CNTNAP3B: variants seen among roughly 807,000 people sequenced by gnomAD.
CNTNAP3B encodes contactin associated protein family member 3B.
In CNTNAP3B, 25 loss-of-function variants were observed where a neutral mutation model predicts 108.9. That is an observed-to-expected ratio of 0.23 (90% CI 0.17 to 0.32). The LOEUF is 0.32. Ranked by LOEUF, CNTNAP3B falls within the 10% of genes least tolerant of loss-of-function variation. The pLI is 1.00. For missense variants in CNTNAP3B, 252 were observed against 1,210.4 expected, an observed-to-expected ratio of 0.21 and a Z score of 11.75; for synonymous variants, 103 against 473.4, an observed-to-expected ratio of 0.22 and a Z score of 10.16.
intron 3 of CNTNAP3B, among the ~76,000 whole-genome samples, chr9:42,059,636 A>G: frequency 2.5e-5 from 1 of 39,890 alleles, no homozygotes; most frequent in East Asian, 6.8e-4. Context: ...TCTGTCATCC[A>G]GGCTGGAGTG....
intron 1 of CNTNAP3B, among the ~76,000 whole-genome samples, chr9:42,120,739 G>A (rs374268418): frequency 2.4e-5 from 3 of 127,032 alleles, no homozygotes; most frequent in Non-Finnish European, 4.8e-5. Context: ...ACCAAACACC[G>A]CATGTTCTCA....
rs1828112608 is a variant in CNTNAP3B, at chr9:42,107,851, C to CATA, written c.86-3115_86-3113dup. On this transcript the variant is annotated intron_variant, in intron 1 of 23. Transcript: ENST00000377561. ...TTAGCTGGGCATGGTGGCACGTGCC[C>CATA]ATAGTCCCAGCTTCCCAGGAGGCTG... Among the ~76,000 whole-genome samples the CATA allele has an allele frequency of 1.5e-5, 2 of 129,468 alleles. 1 individual carries two copies. The highest frequency in any genetic ancestry group is 3.2e-5 in the Non-Finnish European group (2 of 61,724). 84.9% of individuals were successfully genotyped at this position (129,468 alleles called of 152,430 possible).
intron 3 of CNTNAP3B, among the ~76,000 whole-genome samples, chr9:42,019,870 G>A (rs1481667082): frequency 8.5e-4 from 109 of 128,370 alleles, no homozygotes; most frequent in Non-Finnish European, 1.2e-3. Context: ...AGAAATGTTA[G>A]AAAATAAATG....
At chr9:42,018,666 C>A (rs1826254671) in intron 3 of CNTNAP3B, among the ~76,000 whole-genome samples, 1 of 151,880 alleles carries the variant, frequency 6.6e-6, no homozygotes, top group African/African-American at 2.4e-5. Flanking sequence ...AGGATGCTGA[C>A]TCCTGCGACT....
chr9:41,957,372 T>C (rs1824893404), intron 12 of CNTNAP3B, among the ~76,000 whole-genome samples: 1 of 42,680 alleles, frequency 2.3e-5, no homozygotes, highest in African/African-American at 1.1e-4. Flanking sequence ...ACACCTTTTG[T>C]AGTTGTGCCA....
rs1826002756 is a variant in CNTNAP3B, at chr9:42,001,401, A to G, written c.539-2797T>C. The stretch of plus-strand genomic sequence containing the variant: ...TGCACCCCAGCCTGGGCAACACAGC[A>G]AGACCCCATTTCAAGAAAAAAACAG... On this transcript the variant is annotated intron_variant, in intron 4 of 23. Transcript: ENST00000377561. 1.5e-5 allele frequency among the ~76,000 whole-genome samples: 2 copies of G among 133,470 alleles called. 1 individual carries two copies. Among genetic ancestry groups the G allele is most frequent in the Admixed American group, 1.5e-4 (2 of 13,252 alleles). The allele number at this position is 133,470 out of a possible 152,430, so 87.6% of individuals were successfully genotyped here.
intron 11 of CNTNAP3B, among the ~76,000 whole-genome samples, chr9:41,961,267 G>T (rs1195014201): frequency 2.0e-5 from 3 of 152,292 alleles, no homozygotes; most frequent in Admixed American, 6.5e-5. Flanking sequence ...CAATCTTTTG[G>T]CAATGTCTAG....
intron 15 of CNTNAP3B, among the ~76,000 whole-genome samples, chr9:41,928,701 G>A (rs1316554635): frequency 3.3e-5 from 5 of 151,750 alleles, no homozygotes; most frequent in African/African-American, 1.2e-4. Flanking sequence ...TGATGCTAGT[G>A]GGTAAGAAAC....
At chr9:42,110,525 T>A (rs1416446403) in intron 1 of CNTNAP3B, among the ~76,000 whole-genome samples, 1 of 114,248 alleles carries the variant, frequency 8.8e-6, no homozygotes, top group Non-Finnish European at 1.9e-5. Flanking sequence ...GAAAACCTCT[T>A]TGTTCTAAAA....
At chr9:41,920,579 G>T (rs1367338222) in intron 17 of CNTNAP3B, among the ~76,000 whole-genome samples, 7 of 152,406 alleles carry the variant, frequency 4.6e-5, no homozygotes, top group African/African-American at 1.7e-4. Flanking sequence ...AGGTAAGAAA[G>T]AATTTCACTT....
chr9:41,928,003 G>A (rs1200728569), intron 15 of CNTNAP3B, among the ~76,000 whole-genome samples: 1 of 149,986 alleles, frequency 6.7e-6, no homozygotes, highest in African/African-American at 2.5e-5. Flanking sequence ...TCTTAAAAGA[G>A]AACAGAATAT....
At chr9:41,944,001 C>G (rs1175266865) in intron 13 of CNTNAP3B, among the ~76,000 whole-genome samples, 5 of 152,116 alleles carry the variant, frequency 3.3e-5, no homozygotes, top group African/African-American at 1.2e-4. Context: ...CCAGATTTCC[C>G]TTAAGAAACC....
intron 3 of CNTNAP3B, among the ~76,000 whole-genome samples, chr9:42,021,481 C>A (rs1413607967): frequency 8.6e-6 from 1 of 115,708 alleles, no homozygotes; most frequent in Non-Finnish European, 1.7e-5. Flanking sequence ...AAATAAGATG[C>A]AATTGTATAT....
intron 10 of CNTNAP3B, 63 bp downstream of exon 10, chr9:41,970,011 T>G: frequency 8.6e-7 from 1 of 1,168,920 alleles, no homozygotes; most frequent in Non-Finnish European, 1.1e-6. Context: ...TTTCCAGCTC[T>G]CTACATTTGC....
intron 10 of CNTNAP3B, among the ~76,000 whole-genome samples, chr9:41,966,624 C>A (rs1252452517): frequency 6.6e-6 from 1 of 152,282 alleles, no homozygotes; most frequent in Admixed American, 6.5e-5. Context: ...GTATACAGGG[C>A]AAACCTTAAA....
At chr9:41,921,901 G>C (rs1297518130) in intron 17 of CNTNAP3B, among the ~76,000 whole-genome samples, 2 of 147,714 alleles carry the variant, frequency 1.4e-5, no homozygotes, top group Non-Finnish European at 3.0e-5. Flanking sequence ...ATCTGGTTTT[G>C]AGTGGACCCT....
At position 42,047,749 on chromosome 9, in the gene CNTNAP3B, C is replaced by T. The variant is rs1384363979; in HGVS notation, c.390+29120G>A. Among the ~76,000 whole-genome samples the T allele has an allele frequency of 2.9e-5, 3 of 102,488 alleles. 1 individual carries two copies. The highest frequency in any genetic ancestry group is 1.3e-4 in the African/African-American group (3 of 23,752). The allele number at this position is 102,488 out of a possible 152,430, so 67.2% of individuals were successfully genotyped here. A position where few individuals can be genotyped will look rare whatever the true frequency, so the allele number is the denominator to read the frequency against. On this transcript the variant is annotated intron_variant, in intron 3 of 23. Transcript: ENST00000377561. ...AGCACCCTGCCCCTCGCCCCTCTCACCTGCATCTCCTTTTCATCCTTTCTC... is the reference window on the plus strand; with the variant it reads ...AGCACCCTGCCCCTCGCCCCTCTCATCTGCATCTCCTTTTCATCCTTTCTC...
chr9:42,107,944 T>C (rs71489771), intron 1 of CNTNAP3B, among the ~76,000 whole-genome samples: 47,138 of 118,362 alleles, frequency 0.4, 12,207 homozygotes, highest in East Asian at 0.64. Context: ...CAGTACACTC[T>C]AGGCTGGGCG....
chr9:42,124,440 A>T, intron 1 of CNTNAP3B, among the ~76,000 whole-genome samples: 1 of 137,756 alleles, frequency 7.3e-6, no homozygotes, highest in Non-Finnish European at 1.5e-5. Flanking sequence ...AAGCAGATAT[A>T]TGAATTCCTT....
Sources: gnomAD v4.1 joint callset for allele counts (sites outside exome capture counted in the v4.1 genomes callset) on GRCh38, gnomAD v4.1.1 for gene constraint, MANE v1.5 for transcripts, NCBI Gene and HGNC (gene_info 2026-07-23, HGNC 2026-07-21) for gene names.